The following DLC1 variants were observed in gnomAD, a reference collection of about 807,000 sequenced individuals.
DLC1 encodes DLC1 Rho GTPase activating protein, also known as rho GTPase-activating protein 7.
A neutral mutation model predicts 140.3 loss-of-function variants in DLC1; 54 were observed. The observed-to-expected ratio is 0.38, with a 90% CI of 0.31 to 0.48. The LOEUF (loss-of-function observed/expected upper bound fraction) is 0.48, where lower values mean the gene tolerates loss of function less well. DLC1 is among the 20% of genes least tolerant of loss of function. DLC1 has a pLI of 0.96. For synonymous variants in DLC1, 986 were observed against 728.1 expected (o/e 1.35, Z -5.70); for missense variants, 2,536 against 1,907.0 (o/e 1.33, Z -6.14).
chr8:13,095,378 A>T (rs932610002), intron 10 of DLC1, 133 bp from the exon 11 acceptor site: 1 of 1,145,570 alleles, frequency 8.7e-7, no homozygotes, highest in South Asian at 1.5e-5. Context: ...AATTTAAATT[A>T]AACAAAATGA....
chr8:13,128,603 C>T (rs1363922756), intron 5 of DLC1, among the ~76,000 whole-genome samples: 3 of 152,156 alleles, frequency 2.0e-5, no homozygotes, highest in Non-Finnish European at 4.4e-5. Context: ...GAGGCCGAGG[C>T]GGGCGGATCA....
chr8:13,445,720 A>C (rs915572465), intron 2 of DLC1, among the ~76,000 whole-genome samples: 2 of 152,190 alleles, frequency 1.3e-5, no homozygotes, highest in African/African-American at 4.8e-5. Context: ...GAAGTACAAC[A>C]GCTGTAGGAG....
intron 1 of DLC1, among the ~76,000 whole-genome samples, chr8:13,526,819 G>A (rs1035995099): frequency 2.6e-5 from 4 of 152,114 alleles, no homozygotes; most frequent in African/African-American, 9.7e-5. Context: ...TATACCTAAT[G>A]TAAATGACGA....
At chr8:13,335,125 C>T (rs1232019861) in intron 4 of DLC1, among the ~76,000 whole-genome samples, 2 of 152,148 alleles carry the variant, frequency 1.3e-5, no homozygotes, top group African/African-American at 4.8e-5. Flanking sequence ...GTTTTTAAGA[C>T]TATGGGGGCA....
intron 1 of DLC1, among the ~76,000 whole-genome samples, chr8:13,521,408 T>TAA (rs376802924): frequency 1.2e-4 from 15 of 129,604 alleles, no homozygotes; most frequent in Admixed American, 5.9e-4. Context: ...AACTTAAAAT[T>TAA]AAAAAAAAAA....
At chr8:13,304,175 A>C (rs1832321637) in intron 5 of DLC1, among the ~76,000 whole-genome samples, 1 of 152,214 alleles carries the variant, frequency 6.6e-6, no homozygotes, top group Non-Finnish European at 1.5e-5. Context: ...AAATAATTGC[A>C]GTTTGGCCAT....
chr8:13,386,066 AGTT>A (rs1178489699), intron 4 of DLC1, among the ~76,000 whole-genome samples: 2 of 152,174 alleles, frequency 1.3e-5, no homozygotes, highest in African/African-American at 4.8e-5. Flanking sequence ...AGTAACTGGC[AGTT>A]GTTATTTCTC....
chr8:13,450,014 G>C (rs1027836907), intron 2 of DLC1, among the ~76,000 whole-genome samples: 10 of 151,652 alleles, frequency 6.6e-5, no homozygotes. Context: ...GTGGCAGTCA[G>C]TTATAGTATG....
rs73562524 is a variant in DLC1 at position 13,312,910 on chromosome 8, A to C, written c.1315-7608T>G. Among the ~76,000 whole-genome samples the C allele has an allele frequency of 2.7e-3, 409 of 152,302 alleles. 1 individual carries two copies. Among genetic ancestry groups the C allele is most frequent in the African/African-American group, 9.6e-3 (400 of 41,564 alleles). ...AGTGAGGATGATACTCAAGATAATTAACTTATTCAGAGACCAATTGACTCA... is the reference window on the plus strand; with the variant it reads ...AGTGAGGATGATACTCAAGATAATTCACTTATTCAGAGACCAATTGACTCA... On this transcript the variant is annotated intron_variant, in intron 4 of 17. Transcript: ENST00000276297.
chr8:13,230,809 C>A (rs112120582), intron 5 of DLC1, among the ~76,000 whole-genome samples: 31 of 152,108 alleles, frequency 2.0e-4, no homozygotes, highest in African/African-American at 7.0e-4. Flanking sequence ...GTTGGCCAGG[C>A]TGGTCTCGAA....
At chr8:13,242,784 T>C (rs1445259462) in intron 5 of DLC1, among the ~76,000 whole-genome samples, 1 of 152,162 alleles carries the variant, frequency 6.6e-6, no homozygotes, top group Non-Finnish European at 1.5e-5. Flanking sequence ...TCAGAAGGAA[T>C]TGAAATCAAC....
chr8:13,477,701 G>T (rs1800499881), intron 2 of DLC1, among the ~76,000 whole-genome samples: 1 of 152,112 alleles, frequency 6.6e-6, no homozygotes, highest in Admixed American at 6.5e-5. Context: ...ACTTCTACAT[G>T]CTGAGATGAG....
chr8:13,369,451 C>T (rs562260858), intron 4 of DLC1, among the ~76,000 whole-genome samples: 1 of 149,972 alleles, frequency 6.7e-6, no homozygotes, highest in South Asian at 2.1e-4. Context: ...ATTTTCGGTT[C>T]TCATCTCCTC....
At chr8:13,309,478 C>G (rs1487403725) in intron 4 of DLC1, among the ~76,000 whole-genome samples, 2 of 152,158 alleles carry the variant, frequency 1.3e-5, no homozygotes, top group African/African-American at 4.8e-5. Context: ...TTAATACAAT[C>G]GAATTTTTAA....
chr8:13,217,232 T>A (rs895383273), intron 5 of DLC1, among the ~76,000 whole-genome samples: 1 of 152,158 alleles, frequency 6.6e-6, no homozygotes, highest in Non-Finnish European at 1.5e-5. Flanking sequence ...TGTTATCCAA[T>A]AGAAATATAA....
At chr8:13,308,352 A>G (rs1020853542) in intron 4 of DLC1, among the ~76,000 whole-genome samples, 2 of 152,224 alleles carry the variant, frequency 1.3e-5, no homozygotes, top group African/African-American at 4.8e-5. Flanking sequence ...GGATAGTCAA[A>G]GTGTAGTATT....
At chr8:13,593,861 G>T (rs1009855269) in intron 1 of DLC1, among the ~76,000 whole-genome samples, 3 of 152,102 alleles carry the variant, frequency 2.0e-5, no homozygotes, top group African/African-American at 7.2e-5. Context: ...GTGTTCTCAT[G>T]CTGGATGTAT....
chr8:13,419,466 G>C (rs950792918), intron 2 of DLC1, among the ~76,000 whole-genome samples: 1 of 152,286 alleles, frequency 6.6e-6, no homozygotes, highest in Non-Finnish European at 1.5e-5. Flanking sequence ...CATATGTTGA[G>C]ATAATCATGT....
At chr8:13,159,850 C>T (rs1188390650) in intron 5 of DLC1, among the ~76,000 whole-genome samples, 1 of 147,378 alleles carries the variant, frequency 6.8e-6, no homozygotes, top group Non-Finnish European at 1.5e-5. Context: ...GAGTGGAAAC[C>T]TGGTTTGAAA....
Sources: gnomAD v4.1 joint callset for allele counts (sites outside exome capture counted in the v4.1 genomes callset) on GRCh38, gnomAD v4.1.1 for gene constraint, MANE v1.5 for transcripts, NCBI Gene and HGNC (gene_info 2026-07-23, HGNC 2026-07-21) for gene names.